The following NCAM2 variants were observed in gnomAD, a reference collection of about 807,000 sequenced individuals.
The protein encoded by NCAM2 is N-CAM-2.
In NCAM2, 30 loss-of-function variants were observed where a neutral mutation model predicts 98.1. The observed-to-expected ratio is 0.31, with a 90% CI of 0.23 to 0.41. The LOEUF is 0.41. Ranked by LOEUF, NCAM2 falls within the 10% of genes least tolerant of loss-of-function variation. The pLI is 1.00. For synonymous variants in NCAM2, 368 were observed against 342.4 expected (o/e 1.07, Z -0.83); for missense variants, 867 against 1,005.8 (o/e 0.86, Z 1.87).
intron 1 of NCAM2, among the ~76,000 whole-genome samples, chr21:21,121,812 G>A (rs2066681169): frequency 6.6e-6 from 1 of 152,216 alleles, no homozygotes; most frequent in Non-Finnish European, 1.5e-5. Context: ...GGATCGATCT[G>A]CTGCCTGTGT....
At chr21:21,111,538 A>G (rs2066454217) in intron 1 of NCAM2, among the ~76,000 whole-genome samples, 1 of 152,164 alleles carries the variant, frequency 6.6e-6, no homozygotes, top group South Asian at 2.1e-4. Flanking sequence ...GAATGCAGGC[A>G]GTGCAAGGAG....
intron 1 of NCAM2, among the ~76,000 whole-genome samples, chr21:21,175,645 C>T (rs1457734503): frequency 6.6e-6 from 1 of 152,084 alleles, no homozygotes; most frequent in Non-Finnish European, 1.5e-5. Context: ...ATGTAGAAAC[C>T]GTTAAGGGTT....
rs915102974 is a variant in NCAM2, at chr21:21,049,081, C to G, written c.55+50463C>G. On this transcript the variant is annotated intron_variant, in intron 1 of 17. Transcript: ENST00000400546. ...GGCTGGACTGCGGACTGCAGTGGCG[C>G]AATCTCGGCTCACTGCAAGCTCCGC... is the stretch of plus-strand genomic sequence containing the variant. Among the ~76,000 whole-genome samples the G allele has an allele frequency of 2.8e-5, 4 of 144,328 alleles. No individual in the cohort carries two copies. The East Asian group carries it at 8.2e-4, about 30-fold the overall frequency. 94.7% of individuals were successfully genotyped at this position (144,328 alleles called of 152,430 possible).
At chr21:21,256,124 G>A (rs569934670) in intron 1 of NCAM2, among the ~76,000 whole-genome samples, 69 of 152,270 alleles carry the variant, frequency 4.5e-4, no homozygotes, top group African/African-American at 1.6e-3. Flanking sequence ...GGAGGTCGAG[G>A]TGGGTGGATC....
Position 21,539,845 on chromosome 21 carries a change from T to A in NCAM2, c.*1888T>A, listed in dbSNP as rs1990158919. The stretch of plus-strand genomic sequence containing the variant: ...ATTATCCAACTGGTCTTTGACAGAT[T>A]TGACTGTTCATATTTAGTTTATGTT... On this transcript the variant is annotated 3_prime_UTR_variant, in exon 18 of 18. Transcript: ENST00000400546. 1 of 152,204 alleles carries A rather than the reference T, an allele frequency of 6.6e-6. No homozygotes were observed. The highest frequency in any genetic ancestry group is 1.5e-5 in the Non-Finnish European group (1 of 68,044). 9.4% of individuals were successfully genotyped at this position (152,204 alleles called of 1,614,324 possible). A position where few individuals can be genotyped will look rare whatever the true frequency, so the allele number is the denominator to read the frequency against.
intron 1 of NCAM2, among the ~76,000 whole-genome samples, chr21:21,264,727 C>A (rs2072066691): frequency 6.9e-6 from 1 of 144,722 alleles, no homozygotes; most frequent in Non-Finnish European, 1.5e-5. Context: ...TTGTTAAGAT[C>A]TTTGGCATAA....
At chr21:21,225,480 G>A (rs998428375) in intron 1 of NCAM2, among the ~76,000 whole-genome samples, 5 of 152,050 alleles carry the variant, frequency 3.3e-5, no homozygotes, top group South Asian at 2.1e-4. Flanking sequence ...ATATACGGCA[G>A]TTTATAGAAT....
intron 4 of NCAM2, 71 bp from the exon 5 acceptor site, chr21:21,292,033 A>C: frequency 1.4e-6 from 2 of 1,435,198 alleles, no homozygotes; most frequent in Non-Finnish European, 1.9e-6. Flanking sequence ...TTTAACTCTT[A>C]ACAATTTAGA....
intron 5 of NCAM2, among the ~76,000 whole-genome samples, chr21:21,323,030 G>C (rs2074418521): frequency 6.6e-6 from 1 of 152,054 alleles, no homozygotes; most frequent in Admixed American, 6.6e-5. Flanking sequence ...ATCCATGAAA[G>C]AATTCATTTC....
At position 21,326,453 on chromosome 21, in the gene NCAM2, A is replaced by C. The variant is rs148299096; in HGVS notation, c.737+1953A>C. Among the ~76,000 whole-genome samples the C allele has an allele frequency of 1.7e-3, 263 of 152,252 alleles. 7 individuals carry two copies. The East Asian group carries it at 0.042, about 24-fold the overall frequency. ...TAGTTGTCTGCAGCACAACCCTTTCAAATAACAGCTTACCAATTACTTCTC... is the reference window on the plus strand; with the variant it reads ...TAGTTGTCTGCAGCACAACCCTTTCCAATAACAGCTTACCAATTACTTCTC... On this transcript the variant is annotated intron_variant, in intron 6 of 17. Coordinates refer to ENST00000400546, the MANE Select transcript of NCAM2 (RefSeq NM_004540.5).
intron 1 of NCAM2, among the ~76,000 whole-genome samples, chr21:21,019,729 T>A (rs1192879429): frequency 1.3e-5 from 2 of 152,184 alleles, no homozygotes; most frequent in African/African-American, 4.8e-5. Flanking sequence ...TGTCAGAATG[T>A]TTATCTTGAG....
chr21:21,327,414 G>T (rs1282580820), intron 6 of NCAM2, among the ~76,000 whole-genome samples: 1 of 151,750 alleles, frequency 6.6e-6, no homozygotes, highest in Non-Finnish European at 1.5e-5. Flanking sequence ...CAAACTCATG[G>T]AGAGAGAGAG....
chr21:21,192,235 AC>A (rs2068846684), intron 1 of NCAM2, among the ~76,000 whole-genome samples: 1 of 152,070 alleles, frequency 6.6e-6, no homozygotes, highest in South Asian at 2.1e-4. Context: ...AAACAAAAAA[AC>A]AAAAACAAAA....
chr21:21,101,665 A>G (rs1209006694), intron 1 of NCAM2, among the ~76,000 whole-genome samples: 1 of 152,084 alleles, frequency 6.6e-6, no homozygotes, highest in East Asian at 1.9e-4. Flanking sequence ...TAAATAATGG[A>G]TTTAAATGTA....
intron 1 of NCAM2, among the ~76,000 whole-genome samples, chr21:21,017,385 C>T (rs2064331645): frequency 8.1e-6 from 1 of 122,978 alleles, no homozygotes; most frequent in African/African-American, 3.1e-5. Flanking sequence ...GATATCACGC[C>T]ACTGCACTCC....
chr21:21,237,978 C>T (rs1231471194), intron 1 of NCAM2, among the ~76,000 whole-genome samples: 1 of 101,620 alleles, frequency 9.8e-6, no homozygotes, highest in Non-Finnish European at 1.9e-5. Context: ...TTTTTTGAGA[C>T]GGAGTCTCGC....
chr21:21,012,654 A>G (rs1417845065), intron 1 of NCAM2, among the ~76,000 whole-genome samples: 2 of 152,148 alleles, frequency 1.3e-5, no homozygotes, highest in African/African-American at 4.8e-5. Flanking sequence ...AAAGAAATAT[A>G]GGCGCAGTTT....
chr21:21,194,941 C>T lies in NCAM2; in HGVS notation c.56-85637C>T, dbSNP rs73334369. 3.4e-3 allele frequency among the ~76,000 whole-genome samples: 518 copies of T among 152,258 alleles called. 6 individuals are homozygous for T. Among genetic ancestry groups the T allele is most frequent in the African/African-American group, 0.012 (495 of 41,568 alleles). ...CACCCTGAGCTTCTGGCAACCATCA[C>T]TTCAGTCTCTGCTTCTAAGAATTCA... On this transcript the variant is annotated intron_variant, in intron 1 of 17. Coordinates refer to ENST00000400546, the MANE Select transcript of NCAM2 (RefSeq NM_004540.5).
intron 1 of NCAM2, among the ~76,000 whole-genome samples, chr21:21,217,225 T>C (rs11908750): frequency 0.033 from 4,998 of 152,252 alleles, 290 homozygotes; most frequent in African/African-American, 0.11. Context: ...CAGGTCTTTG[T>C]TATTGCTCAG....
Sources: gnomAD v4.1 joint callset for allele counts (sites outside exome capture counted in the v4.1 genomes callset) on GRCh38, gnomAD v4.1.1 for gene constraint, MANE v1.5 for transcripts, NCBI Gene and HGNC (gene_info 2026-07-23, HGNC 2026-07-21) for gene names.